Variants in MYO5B observed in about 807,000 individuals in gnomAD.
The protein encoded by MYO5B is unconventional myosin-Vb.
A neutral mutation model predicts 229.3 loss-of-function variants in MYO5B; 143 were observed. The ratio of observed to expected loss-of-function variants is 0.62; its 90% CI spans 0.54 to 0.72. The LOEUF (loss-of-function observed/expected upper bound fraction) is 0.72, where lower values mean the gene tolerates loss of function less well. Ranked by LOEUF, MYO5B falls within the 30% of genes least tolerant of loss-of-function variation. The pLI, the probability that MYO5B is intolerant of heterozygous loss-of-function variation, is 0.00. For missense variants in MYO5B, 2,321 were observed against 2,331.0 expected (o/e 1.00, Z 0.09); for synonymous variants, 918 against 885.2 (o/e 1.04, Z -0.66).
intron 21 of MYO5B, among the ~76,000 whole-genome samples, chr18:49,901,535 C>G (rs568835256): frequency 7.9e-5 from 12 of 152,238 alleles, no homozygotes; most frequent in Admixed American, 3.3e-4. Flanking sequence ...TTTCAAGTTT[C>G]TCCTACTGCA....
intron 1 of MYO5B, among the ~76,000 whole-genome samples, chr18:50,100,573 C>T (rs1430013957): frequency 6.6e-6 from 1 of 152,188 alleles, no homozygotes; most frequent in African/African-American, 2.4e-5. Context: ...CTTCTCTCCT[C>T]TTTCCCCAAA....
chr18:49,883,279 A>G (rs1036771066), intron 22 of MYO5B, among the ~76,000 whole-genome samples: 41 of 152,220 alleles, frequency 2.7e-4, no homozygotes, highest in Non-Finnish European at 4.4e-5. Flanking sequence ...CTTAAAAACT[A>G]TTAGAATAAA....
intron 10 of MYO5B, among the ~76,000 whole-genome samples, chr18:49,965,998 G>A (rs190988280): frequency 1.3e-5 from 2 of 152,274 alleles, no homozygotes; most frequent in Non-Finnish European, 2.9e-5. Context: ...TGTCATGCAA[G>A]CCCTTCCAAA....
At chr18:49,971,453 A>G (rs2025691251) in intron 10 of MYO5B, among the ~76,000 whole-genome samples, 1 of 152,218 alleles carries the variant, frequency 6.6e-6, no homozygotes, top group Non-Finnish European at 1.5e-5. Flanking sequence ...CCAAGTTTCC[A>G]CCCAGGGTTC....
Position 50,157,345 on chromosome 18 carries a change from A to T in MYO5B, c.27+37422T>A, listed in dbSNP as rs138569798. Among the ~76,000 whole-genome samples the T allele has an allele frequency of 1.5e-3, 224 of 152,138 alleles. 1 individual carries two copies. The East Asian group carries it at 0.025, about 17-fold the overall frequency. On this transcript the variant is annotated intron_variant, in intron 1 of 39. Transcript: ENST00000285039. ...GGTCTCGAACTCCTGACCTCAGGTG[A>T]TTCATCTACCTCGGCCTGGATATCC... is the stretch of plus-strand genomic sequence containing the variant.
At chr18:50,161,024 T>C (rs1401327550) in intron 1 of MYO5B, among the ~76,000 whole-genome samples, 5 of 152,188 alleles carry the variant, frequency 3.3e-5, no homozygotes, top group African/African-American at 1.2e-4. Flanking sequence ...CTCCTTGTAG[T>C]ACAGGGCTCA....
intron 9 of MYO5B, among the ~76,000 whole-genome samples, chr18:49,975,523 A>G (rs1474131222): frequency 1.3e-5 from 2 of 152,158 alleles, no homozygotes; most frequent in Non-Finnish European, 2.9e-5. Flanking sequence ...CTAAAATCAT[A>G]GAAACTGAAC....
At chr18:50,107,754 G>A (rs1307541950) in intron 1 of MYO5B, among the ~76,000 whole-genome samples, 1 of 152,156 alleles carries the variant, frequency 6.6e-6, no homozygotes, top group Non-Finnish European at 1.5e-5. Context: ...GTGTTTTTAA[G>A]TTGTATATGC....
intron 1 of MYO5B, among the ~76,000 whole-genome samples, chr18:50,163,612 T>C (rs570042623): frequency 1.3e-5 from 2 of 152,336 alleles, no homozygotes; most frequent in Admixed American, 1.3e-4. Flanking sequence ...GGAAATTTTC[T>C]GCAGTGCATT....
chr18:50,097,904 A>G, intron 1 of MYO5B, among the ~76,000 whole-genome samples: 1 of 152,208 alleles, frequency 6.6e-6, no homozygotes, highest in East Asian at 1.9e-4. Flanking sequence ...TGGAGACAGC[A>G]TGACTTCAGA....
At position 49,960,840 on chromosome 18, in the gene MYO5B, C is replaced by T. The variant is rs572470097; in HGVS notation, c.1545+1426G>A. Among the ~76,000 whole-genome samples, 15 of 152,350 alleles carry T rather than the reference C, an allele frequency of 9.8e-5. No homozygotes were observed. The South Asian group carries it at 2.9e-3, about 29-fold the overall frequency. ...AAACCTGTGTAGGACAAACTGCCTA[C>T]TCCATGTGCCCTGAGAACTGTATAC... On this transcript the variant is annotated intron_variant, in intron 12 of 39. Coordinates refer to ENST00000285039, the MANE Select transcript of MYO5B (RefSeq NM_001080467.3).
At chr18:50,188,813 A>AAC (rs1568138501) in intron 1 of MYO5B, among the ~76,000 whole-genome samples, 4 of 75,196 alleles carry the variant, frequency 5.3e-5, no homozygotes, top group Non-Finnish European at 3.3e-5. Flanking sequence ...AAAAAAAAAA[A>AAC]AAAACACACA....
At position 49,853,616 on chromosome 18, in the gene MYO5B, G is replaced by C; in HGVS notation, c.4054C>G (p.Leu1352Val). The C allele has an allele frequency of 6.2e-7, 1 of 1,613,756 alleles. No individual in the cohort carries two copies. Among genetic ancestry groups the C allele is most frequent in the Non-Finnish European group, 8.5e-7 (1 of 1,180,008 alleles). Residue 1352 changes from leucine (L) to valine (V), a missense_variant, in exon 31 of 40, where the codon CTG becomes GTG. Physicochemically the swap from Leu to Val is conservative, Grantham distance 32. This residue lies in a region of MYO5B where 2,113 missense variants were observed against 2,044.7 expected (regional missense o/e 1.03). Coordinates refer to ENST00000285039, the MANE Select transcript of MYO5B (RefSeq NM_001080467.3). ...TGCTCCACCTCCTCCTCATGCTCCAGGCTCTGGGCCTGCAGCTGAGCCTCC... is the reference window on the plus strand; with the variant it reads ...TGCTCCACCTCCTCCTCATGCTCCACGCTCTGGGCCTGCAGCTGAGCCTCC... ...LLEAQLQAQS[L>V]EHEEEVEHLK... is the part of the protein sequence containing the mutation.
intron 7 of MYO5B, among the ~76,000 whole-genome samples, chr18:49,985,248 T>C (rs1371315695): frequency 6.6e-6 from 1 of 152,180 alleles, no homozygotes; most frequent in Non-Finnish European, 1.5e-5. Context: ...TGAGGAACAG[T>C]GATGTGCCCG....
intron 36 of MYO5B, 47 bp downstream of exon 36, chr18:49,839,097 T>C (rs749261959): frequency 6.2e-7 from 1 of 1,610,638 alleles, no homozygotes; most frequent in Admixed American, 1.7e-5. Flanking sequence ...CTTCCCCTCA[T>C]TTCAGACACC....
At chr18:49,835,781 A>C (rs930708839) in intron 38 of MYO5B, among the ~76,000 whole-genome samples, 2 of 152,168 alleles carry the variant, frequency 1.3e-5, no homozygotes, top group African/African-American at 4.8e-5. Context: ...AGTACTGGAG[A>C]TCTTACCTTA....
At chr18:49,994,007 C>T (rs530601817) in intron 5 of MYO5B, among the ~76,000 whole-genome samples, 26 of 152,272 alleles carry the variant, frequency 1.7e-4, no homozygotes, top group South Asian at 8.3e-4. Context: ...AAGCCCTATG[C>T]TCTCTCTGCC....
intron 17 of MYO5B, among the ~76,000 whole-genome samples, chr18:49,924,730 T>C (rs1428865754): frequency 3.3e-5 from 5 of 152,226 alleles, no homozygotes; most frequent in Non-Finnish European, 7.3e-5. Flanking sequence ...GGCAGAGGAA[T>C]GGCAGGTCTA....
intron 25 of MYO5B, among the ~76,000 whole-genome samples, chr18:49,877,372 G>A (rs487480): frequency 0.85 from 129,123 of 152,160 alleles, 54,892 homozygotes; most frequent in East Asian, 0.95. Context: ...TTTCTTGTTT[G>A]TTTATTGATA....
Sources: allele counts gnomAD v4.1 joint callset (sites outside exome capture counted in the v4.1 genomes callset), GRCh38; gene constraint gnomAD v4.1.1; regional missense constraint gnomAD v4.1.1; transcripts MANE v1.5; gene names NCBI Gene and HGNC (gene_info 2026-07-23, HGNC 2026-07-21).